CAV2: variants seen among roughly 807,000 people sequenced by gnomAD.
The protein encoded by CAV2 is caveolin-2.
A neutral mutation model predicts 15.5 loss-of-function variants in CAV2; 7 were observed. The observed-to-expected ratio is 0.45, with a 90% confidence interval of 0.26 to 0.85. The LOEUF is 0.85. Ranked by LOEUF, CAV2 falls within the 40% of genes least tolerant of loss-of-function variation. CAV2 has a pLI of 0.18. For synonymous variants in CAV2, 76 were observed against 83.1 expected (o/e 0.91, Z 0.46); for missense variants, 229 against 208.8 (o/e 1.10, Z -0.60).
chr7:116,501,327 C>T (rs554297753), intron 2 of CAV2: 3 of 152,266 alleles, frequency 2.0e-5, no homozygotes, highest in East Asian at 3.9e-4. Context: ...CAGATCATCC[C>T]CAGTATCACA....
chr7:116,506,264 A>G lies in CAV2; in HGVS notation c.*143A>G. The G allele has an allele frequency of 5.4e-6, 4 of 734,404 alleles. No homozygotes were observed. Among genetic ancestry groups the G allele is most frequent in the Non-Finnish European group, 8.8e-6 (4 of 456,034 alleles). The allele number at this position is 734,404 out of a possible 1,614,324, so 45.5% of individuals were successfully genotyped here. A position where few individuals can be genotyped will look rare whatever the true frequency, so the allele number is the denominator to read the frequency against. ...TGAGCAACCACATTTAGAAATGTTTATTGACAGGTCTTTTCAAATAATGCT... is the reference window on the plus strand; with the variant it reads ...TGAGCAACCACATTTAGAAATGTTTGTTGACAGGTCTTTTCAAATAATGCT... On this transcript the variant is annotated 3_prime_UTR_variant, in exon 3 of 3. Coordinates refer to ENST00000222693, the MANE Select transcript of CAV2 (RefSeq NM_001233.5).
chr7:116,506,444 A>G lies in CAV2; in HGVS notation c.*323A>G, dbSNP rs1793241638. ...CTTATAATGATTAAGGGACATTTCT[A>G]TAAAAATACTACAATAGTTTTATGC... On this transcript the variant is annotated 3_prime_UTR_variant, in exon 3 of 3. Transcript: ENST00000222693. The G allele has an allele frequency of 4.8e-6, 1 of 210,218 alleles. No homozygotes were observed. The highest frequency in any genetic ancestry group is 9.4e-6 in the Non-Finnish European group (1 of 106,914). The allele number at this position is 210,218 out of a possible 1,614,324, so 13.0% of individuals were successfully genotyped here. A position where few individuals can be genotyped will look rare whatever the true frequency, so the allele number is the denominator to read the frequency against.
chr7:116,504,181 GC>G (rs1295712023), intron 2 of CAV2, among the ~76,000 whole-genome samples: 1 of 151,088 alleles, frequency 6.6e-6, no homozygotes, highest in Non-Finnish European at 1.5e-5. Flanking sequence ...TATATATTCT[GC>G]CTTCAAAATA....
rs754623381 is a variant in CAV2, at chr7:116,500,392, C to A, written c.283C>A (p.Pro95Thr). The A allele has an allele frequency of 7.4e-6, 12 of 1,614,000 alleles. No individual in the cohort carries two copies. The highest frequency in any genetic ancestry group is 9.3e-6 in the Non-Finnish European group (11 of 1,179,964). Residue 95 changes from proline (P) to threonine (T), a missense_variant, in exon 2 of 3, where the codon CCC becomes ACC. Coordinates refer to ENST00000222693, the MANE Select transcript of CAV2 (RefSeq NM_001233.5). ...YKFLTVFLAI[P>T]LAFIAGILFA... is the part of the protein sequence containing the mutation. ...GTTCCTGACGGTGTTCCTGGCCATT[C>A]CCCTGGCCTTCATTGCGGGAATTCT...
chr7:116,501,042 C>T (rs1793092624), intron 2 of CAV2: 3 of 152,122 alleles, frequency 2.0e-5, no homozygotes, highest in Admixed American at 2.0e-4. Context: ...AATGAAAACT[C>T]CAGCTGCGGG....
In CAV2 at chr7:116,499,752, G is replaced by T; in HGVS notation, c.-30G>T. ...GACCGGGAGCCGCACCGCGCCAGCC[G>T]GGCTGCAGCGGCCGCGCACCAAGGC... On this transcript the variant is annotated 5_prime_UTR_variant, in exon 1 of 3. Transcript: ENST00000222693. The T allele has an allele frequency of 6.0e-6, 9 of 1,500,560 alleles. No homozygotes were observed. Among genetic ancestry groups the T allele is most frequent in the Non-Finnish European group, 8.0e-6 (9 of 1,124,302 alleles). The allele number at this position is 1,500,560 out of a possible 1,614,324, so 93.0% of individuals were successfully genotyped here.
At chr7:116,502,526 A>G (rs1318794330) in intron 2 of CAV2, among the ~76,000 whole-genome samples, 1 of 152,240 alleles carries the variant, frequency 6.6e-6, no homozygotes, top group African/African-American at 2.4e-5. Flanking sequence ...CATTCCCATG[A>G]CATGATAAGA....
At position 116,506,034 on chromosome 7, in the gene CAV2, G is replaced by A; in HGVS notation, c.402G>A (p.Lys134=). 1.2e-6 allele frequency: 2 copies of A among 1,613,818 alleles called. No homozygotes were observed. Among genetic ancestry groups the A allele is most frequent in the Non-Finnish European group, 1.7e-6 (2 of 1,179,680 alleles). Residue 134 remains lysine, a synonymous_variant, in exon 3 of 3, where the codon AAG becomes AAA. Transcript: ENST00000222693. ...MVLPSVQTIW[K]SVTDVIIAPL... is the part of the protein sequence containing the mutation. ...TGCCTTCAGTGCAGACAATATGGAA[G>A]AGTGTGACAGATGTTATCATTGCTC...
At chr7:116,500,607 C>G in intron 2 of CAV2, 160 bp downstream of exon 2, 1 of 637,146 alleles carries the variant, frequency 1.6e-6, no homozygotes, top group East Asian at 2.8e-5. Flanking sequence ...AAAGGCAATG[C>G]GCTTCCTTTA....
intron 2 of CAV2, among the ~76,000 whole-genome samples, chr7:116,501,751 G>A (rs922296671): frequency 2.0e-5 from 3 of 152,068 alleles, no homozygotes; most frequent in Non-Finnish European, 2.9e-5. Flanking sequence ...GACTTTGAAA[G>A]GATAAATGAA....
chr7:116,505,992 G>C lies in CAV2; in HGVS notation c.360G>C (p.Lys120Asn), dbSNP rs1793226322. 2 of 1,613,000 alleles carry C rather than the reference G, an allele frequency of 1.2e-6. No individual in the cohort carries two copies. Reference protein sequence around the residue: ...LHIWILMPFVKTCLMVLPSVQ... With the variant: ...LHIWILMPFVNTCLMVLPSVQ... ...CCAGGATTTTAATGCCTTTTGTAAA[G>C]ACCTGCCTAATGGTTCTGCCTTCAG... Residue 120 changes from lysine to asparagine, a missense_variant, in exon 3 of 3, where the codon AAG (lysine) becomes AAC (asparagine). Transcript: ENST00000222693.
chr7:116,500,572 C>G, intron 2 of CAV2, 125 bp downstream of exon 2: 1 of 862,754 alleles, frequency 1.2e-6, no homozygotes, highest in East Asian at 2.5e-5. Flanking sequence ...AGTTCCCAAG[C>G]AGTAGGAAGA....
rs201827952 is a variant in CAV2 at position 116,500,404 on chromosome 7, A to G, written c.295A>G (p.Ile99Val). 1.9e-6 allele frequency: 3 copies of G among 1,613,954 alleles called. No homozygotes were observed. The highest frequency in any genetic ancestry group is 1.7e-5 in the Admixed American group (1 of 60,006). ...TVFLAIPLAF[I>V]AGILFATLSC... ...GTTCCTGGCCATTCCCCTGGCCTTC[A>G]TTGCGGGAATTCTCTTTGCCACCCT... is the stretch of plus-strand genomic sequence containing the variant. Residue 99 changes from isoleucine to valine, a missense_variant, in exon 2 of 3, where the codon ATT becomes GTT. Ile to Val is a conservative substitution (Grantham distance 29, BLOSUM62 3). Transcript: ENST00000222693.
At chr7:116,502,929 A>G (rs1467261702) in intron 2 of CAV2, among the ~76,000 whole-genome samples, 1 of 152,164 alleles carries the variant, frequency 6.6e-6, no homozygotes, top group Non-Finnish European at 1.5e-5. Flanking sequence ...ATGTGGCTGG[A>G]GCACCCATAT....
At chr7:116,501,494 C>T (rs1010452506) in intron 2 of CAV2, among the ~76,000 whole-genome samples, 2 of 152,194 alleles carry the variant, frequency 1.3e-5, no homozygotes, top group Non-Finnish European at 2.9e-5. Context: ...TTTCTCTATA[C>T]CACCTGAATC....
intron 2 of CAV2, among the ~76,000 whole-genome samples, chr7:116,503,954 A>G (rs186285302): frequency 0.14 from 19,319 of 137,614 alleles, 1,808 homozygotes; most frequent in Middle Eastern, 0.19. Context: ...AGGAAGACAG[A>G]AAGAAAAAGA....
chr7:116,503,191 T>C (rs1793142971), intron 2 of CAV2, among the ~76,000 whole-genome samples: 1 of 149,702 alleles, frequency 6.7e-6, no homozygotes, highest in Non-Finnish European at 1.5e-5. Flanking sequence ...TTATAAGATT[T>C]ACTTAAGAAG....
In CAV2 at chr7:116,499,747, C is replaced by A; in HGVS notation, c.-35C>A. ...GCGCGGACCGGGAGCCGCACCGCGC[C>A]AGCCGGGCTGCAGCGGCCGCGCACC... On this transcript the variant is annotated 5_prime_UTR_variant, in exon 1 of 3. Transcript: ENST00000222693. 6.8e-7 allele frequency: 1 copy of A among 1,478,380 alleles called. No individual in the cohort carries two copies. The highest frequency in any genetic ancestry group is 1.3e-5 in the South Asian group (1 of 76,496). The allele number at this position is 1,478,380 out of a possible 1,614,324, so 91.6% of individuals were successfully genotyped here. A position where few individuals can be genotyped will look rare whatever the true frequency, so the allele number is the denominator to read the frequency against.
At chr7:116,503,078 A>G (rs986359923) in intron 2 of CAV2, among the ~76,000 whole-genome samples, 7 of 152,024 alleles carry the variant, frequency 4.6e-5, no homozygotes, top group Non-Finnish European at 2.9e-5. Flanking sequence ...AATTACTACA[A>G]CACTAAATAA....
Sources: gnomAD v4.1 joint callset for allele counts (sites outside exome capture counted in the v4.1 genomes callset) on GRCh38, gnomAD v4.1.1 for gene constraint, MANE v1.5 for transcripts, NCBI Gene and HGNC (gene_info 2026-07-23, HGNC 2026-07-21) for gene names.